The following STAB1 variants were observed in gnomAD, a reference collection of about 807,000 sequenced individuals.
The protein encoded by STAB1 is stabilin-1.
Under a neutral mutation model 332.4 loss-of-function variants are expected in STAB1, and 250 were observed. The ratio of observed to expected loss-of-function variants is 0.75; its 90% CI spans 0.68 to 0.84. The LOEUF (loss-of-function observed/expected upper bound fraction) is 0.84. STAB1 is among the 40% of genes least tolerant of loss of function. STAB1 has a pLI of 0.00. For missense variants in STAB1, 3,249 were observed against 3,489.7 expected, an observed-to-expected ratio of 0.93 and a Z score of 1.74; for synonymous variants, 1,475 against 1,390.4, an observed-to-expected ratio of 1.06 and a Z score of -1.35.
rs374747870 is a variant in STAB1, at chr3:52,500,504, A to G, written c.79-662A>G. On this transcript the variant is annotated intron_variant, in intron 1 of 68. Transcript: ENST00000321725. ...TTAGTCTCTGATTCCTGGGCAGCGG[A>G]GAAAGCCCTTGCGCTTGGTTAGAGA... Among the ~76,000 whole-genome samples the G allele has an allele frequency of 8.5e-5, 13 of 152,328 alleles. 1 individual carries two copies. Among genetic ancestry groups the G allele is most frequent in the African/African-American group, 2.4e-4 (10 of 41,580 alleles).
chr3:52,500,630 A>C (rs1708377489), intron 1 of STAB1, among the ~76,000 whole-genome samples: 1 of 152,226 alleles, frequency 6.6e-6, no homozygotes, highest in African/African-American at 2.4e-5. Context: ...GCCTGTGCCC[A>C]TGAGTTGAGG....
In STAB1 at chr3:52,501,657, G is replaced by A; in HGVS notation, c.235G>A (p.Gly79Ser). 1.9e-6 allele frequency: 3 copies of A among 1,569,086 alleles called. No homozygotes were observed. Among genetic ancestry groups the A allele is most frequent in the Non-Finnish European group, 2.6e-6 (3 of 1,157,940 alleles). The change falls in exon 3 of 69, where the codon GGC becomes AGC. Residue 79 changes from glycine (G) to serine (S), a missense_variant. By Grantham distance (56) the Gly-to-Ser change is moderately conservative. Transcript: ENST00000321725. ...QDCRYEVQLG[G>S]SMVSMSGCRR... ...CCCCAGCTACGAAGTACAGCTGGGGGGCTCTATGGTGTCCATGAGCGGCTG... is the reference window on the plus strand; with the variant it reads ...CCCCAGCTACGAAGTACAGCTGGGGAGCTCTATGGTGTCCATGAGCGGCTG...
At chr3:52,513,643 C>T in intron 30 of STAB1, 74 bp from the exon 31 acceptor site, 1 of 1,486,450 alleles carries the variant, frequency 6.7e-7, no homozygotes, top group Non-Finnish European at 9.1e-7. Context: ...CTGGCAGTCT[C>T]TCTGTTGGGG....
In STAB1 at chr3:52,510,035, T is replaced by C. The variant is rs1292017405; in HGVS notation, c.2513T>C (p.Val838Ala). The C allele has an allele frequency of 1.9e-6, 3 of 1,608,748 alleles. No homozygotes were observed. The highest frequency in any genetic ancestry group is 2.5e-6 in the Non-Finnish European group (3 of 1,177,008). Residue 838 changes from valine (V) to alanine (A), a missense_variant, in exon 23 of 69, where the codon GTT (valine) becomes GCT (alanine). Coordinates refer to ENST00000321725, the MANE Select transcript of STAB1 (RefSeq NM_015136.3). Reference sequence around the variant, plus strand: ...CACTGCCACCTGCATGCCCGCTGTGTTAGCCAGGAGGGTGTTGCCAGGTGA... The same window carrying C: ...CACTGCCACCTGCATGCCCGCTGTGCTAGCCAGGAGGGTGTTGCCAGGTGA... ...AQHCHLHARC[V>A]SQEGVARCRC...
chr3:52,505,517 C>A, intron 14 of STAB1, 136 bp downstream of exon 14: 1 of 1,206,528 alleles, frequency 8.3e-7, no homozygotes, highest in Non-Finnish European at 1.2e-6. Flanking sequence ...CGTCCTCAAG[C>A]CTGAGGTTCT....
chr3:52,511,563 G>GCTCTCT (rs1169347360), intron 25 of STAB1, 87 bp from the exon 26 acceptor site: 5 of 1,253,586 alleles, frequency 4.0e-6, no homozygotes, highest in Non-Finnish European at 5.6e-6. Context: ...CTCCCTGGGG[G>GCTCTCT]CAGTGACCAG....
rs199636230 is a variant in STAB1, at chr3:52,520,201, C to T, written c.5413-3C>T. On this transcript the variant is annotated splice_polypyrimidine_tract_variant and splice_region_variant and intron_variant, in intron 51 of 68. Coordinates refer to ENST00000321725, the MANE Select transcript of STAB1 (RefSeq NM_015136.3). Reference sequence around the variant, plus strand: ...ACCTCCAACCATGACTCCACTTGCTCAGGCCTTGGCATCTGACCTGCCCAA... The same window carrying T: ...ACCTCCAACCATGACTCCACTTGCTTAGGCCTTGGCATCTGACCTGCCCAA... 3.7e-4 allele frequency: 600 copies of T among 1,613,170 alleles called. 2 individuals carry two copies. Among genetic ancestry groups the T allele is most frequent in the African/African-American group, 3.7e-3 (278 of 75,066 alleles).
At chr3:52,520,355 G>T (rs762073948) in intron 52 of STAB1, 45 bp from the exon 53 acceptor site, 1 of 1,612,698 alleles carries the variant, frequency 6.2e-7, no homozygotes, top group South Asian at 1.1e-5. Flanking sequence ...GTAGCAGCTG[G>T]AGTGCACCTG....
chr3:52,497,681 G>T (rs770428024), intron 1 of STAB1, among the ~76,000 whole-genome samples: 68 of 152,064 alleles, frequency 4.5e-4, no homozygotes, highest in Non-Finnish European at 1.3e-4. Flanking sequence ...CCAAAGTGCT[G>T]GGATTACAGA....
At chr3:52,510,546 G>C in intron 25 of STAB1, 39 bp downstream of exon 25, 1 of 1,592,798 alleles carries the variant, frequency 6.3e-7, no homozygotes, top group South Asian at 1.1e-5. Context: ...CCTTGGTTCT[G>C]GGGGACTCTC....
intron 48 of STAB1, 100 bp downstream of exon 48, chr3:52,518,969 C>G: frequency 7.3e-7 from 1 of 1,361,006 alleles, no homozygotes; most frequent in Non-Finnish European, 9.7e-7. Context: ...AGAACCCCAC[C>G]TCCCCTAGCC....
chr3:52,522,324 C>G lies in STAB1; in HGVS notation c.6466-6C>G. ...GAAGGGCGCCCACTGCTCTCTCCAACCCCAGAACACACGGCGCTGTGAGTG... is the reference window on the plus strand; with the variant it reads ...GAAGGGCGCCCACTGCTCTCTCCAAGCCCAGAACACACGGCGCTGTGAGTG... On this transcript the variant is annotated splice_region_variant and splice_polypyrimidine_tract_variant and intron_variant, in intron 59 of 68. Coordinates refer to ENST00000321725, the MANE Select transcript of STAB1 (RefSeq NM_015136.3). 6.2e-7 allele frequency: 1 copy of G among 1,612,904 alleles called. No homozygotes were observed.
In STAB1 at chr3:52,518,736, G is replaced by A. The variant is rs774555309; in HGVS notation, c.4901G>A (p.Arg1634Gln). ...MSNLSQDELARIRAHRQLVFR... is the reference protein window; with the variant it reads ...MSNLSQDELAQIRAHRQLVFR... ...ACTCTGCTCCAGGATGAGCTGGCCC[G>A]GATTCGTGCGCATCGCCAGCTGGTG... The change falls in exon 48 of 69, where the codon CGG (arginine) becomes CAG (glutamine). Residue 1634 changes from arginine (R) to glutamine (Q), a missense_variant. Physicochemically the swap from Arg to Gln is conservative, Grantham distance 43 (BLOSUM62 1). Coordinates refer to ENST00000321725, the MANE Select transcript of STAB1 (RefSeq NM_015136.3). The A allele has an allele frequency of 2.5e-6, 4 of 1,612,556 alleles. No individual in the cohort carries two copies. The highest frequency in any genetic ancestry group is 3.3e-5 in the Admixed American group (2 of 59,988).
chr3:52,506,596 T>C, intron 17 of STAB1, 96 bp from the exon 18 acceptor site: 1 of 1,366,394 alleles, frequency 7.3e-7, no homozygotes, highest in Non-Finnish European at 9.8e-7. Context: ...CTGAGCTGCC[T>C]GTCTGCTCTA....
In STAB1 at chr3:52,502,615, CTG is replaced by C. The variant is rs766066896; in HGVS notation, c.488-11_488-10del. 4 of 1,604,274 alleles carry C rather than the reference CTG, an allele frequency of 2.5e-6. No homozygotes were observed. The highest frequency in any genetic ancestry group is 3.4e-6 in the Non-Finnish European group (4 of 1,172,278). On this transcript the variant is annotated splice_polypyrimidine_tract_variant and intron_variant, in intron 5 of 68. Coordinates refer to ENST00000321725, the MANE Select transcript of STAB1 (RefSeq NM_015136.3). ...GGAGAGGCTGGGGCCCCATCTGTCT[CTG>C]TGTGTCCCTCCCAGTGTGCAGCTGT...
rs550489562 is a variant in STAB1 at position 52,517,824 on chromosome 3, G to C, written c.4639-57G>C. The C allele has an allele frequency of 3.7e-6, 6 of 1,610,150 alleles. No individual in the cohort carries two copies. In the African/African-American group the frequency reaches 6.7e-5, roughly 18 times the overall value. ...TTCATGGCCTCTTTCACAGGGCTGA[G>C]TGGGATAGAGAAGTAGTGAAAGCCA... On this transcript the variant is annotated intron_variant, in intron 44 of 68. Transcript: ENST00000321725.
intron 5 of STAB1, 53 bp downstream of exon 5, chr3:52,502,281 G>A (rs574173772): frequency 3.7e-5 from 59 of 1,579,766 alleles, no homozygotes; most frequent in Admixed American, 1.0e-4. Flanking sequence ...GGGGGCCCAC[G>A]CAGATGCAGT....
At position 52,511,632 on chromosome 3, in the gene STAB1, T is replaced by G; in HGVS notation, c.2788-18T>G. On this transcript the variant is annotated intron_variant, in intron 25 of 68. Transcript: ENST00000321725. ...ATGCTCATCATGAGACAAGGCCGTC[T>G]GTTCCTAACCTTTCCAGAGCCGATG... 6.3e-7 allele frequency: 1 copy of G among 1,599,006 alleles called. No homozygotes were observed. The highest frequency in any genetic ancestry group is 8.5e-7 in the Non-Finnish European group (1 of 1,170,824).
chr3:52,521,449 A>G lies in STAB1; in HGVS notation c.5997A>G (p.Ser1999=), dbSNP rs776412568. The G allele has an allele frequency of 5.0e-6, 8 of 1,613,956 alleles. No individual in the cohort carries two copies. Among genetic ancestry groups the G allele is most frequent in the Non-Finnish European group, 6.8e-6 (8 of 1,180,008 alleles). The part of the protein sequence containing the change: ...MSGSGQCLCR[S]GFAGTACELC... Reference sequence around the variant, plus strand: ...GCAGTGGGCAGTGTCTGTGCCGTTCAGGTTTTGCTGGGACAGCCTGTGAAC... The same window carrying G: ...GCAGTGGGCAGTGTCTGTGCCGTTCGGGTTTTGCTGGGACAGCCTGTGAAC... Residue 1999 remains serine (S), a synonymous_variant, in exon 56 of 69, where the codon TCA becomes TCG. Coordinates refer to ENST00000321725, the MANE Select transcript of STAB1 (RefSeq NM_015136.3).
Sources: gnomAD v4.1 joint callset for allele counts (sites outside exome capture counted in the v4.1 genomes callset) on GRCh38, gnomAD v4.1.1 for gene constraint, MANE v1.5 for transcripts, NCBI Gene and HGNC (gene_info 2026-07-23, HGNC 2026-07-21) for gene names.